The following INTS7 variants were observed in gnomAD, a reference collection of about 807,000 sequenced individuals.
INTS7 encodes the protein chromosome 1 open reading frame 73.
Under a neutral mutation model 109.2 loss-of-function variants are expected in INTS7, and 46 were observed. The ratio of observed to expected loss-of-function variants is 0.42; its 90% CI spans 0.33 to 0.54. The LOEUF (loss-of-function observed/expected upper bound fraction) is 0.54, where lower values mean the gene tolerates loss of function less well. Among genes scored for constraint, INTS7 ranks in the 20% least tolerant of loss-of-function variants. The pLI is 0.07. For synonymous variants in INTS7, 412 were observed against 402.9 expected (o/e 1.02, Z -0.27); for missense variants, 929 against 1,132.4 (o/e 0.82, Z 2.58).
intron 1 of INTS7, among the ~76,000 whole-genome samples, chr1:212,027,851 C>G (rs938355497): frequency 6.6e-6 from 1 of 151,142 alleles, no homozygotes; most frequent in Non-Finnish European, 1.5e-5. Context: ...TTTCTTGAGA[C>G]AGTCTCACTC....
chr1:211,946,726 A>T lies in INTS7; in HGVS notation c.2317-21T>A, dbSNP rs756217955. The stretch of plus-strand genomic sequence containing the variant: ...GTGTGCTGGGGGAAAAAAGAAACTA[A>T]ATCAAATAAAAATAAATTTTCAAAT... On this transcript the variant is annotated intron_variant, in intron 17 of 19. Transcript: ENST00000366994. This position sits in a 1 kb window ranked among gnomAD's most constrained non-coding sequence, Gnocchi z 4.3. 1 of 1,541,556 alleles carries T rather than the reference A, an allele frequency of 6.5e-7. No homozygotes were observed. The highest frequency in any genetic ancestry group is 1.2e-5 in the South Asian group (1 of 86,722).
At chr1:211,991,689 A>G (rs979484485) in intron 7 of INTS7, among the ~76,000 whole-genome samples, 16 of 152,270 alleles carry the variant, frequency 1.1e-4, no homozygotes, top group African/African-American at 3.6e-4. Context: ...TATGTTAGAG[A>G]GCAATGTAGA....
chr1:211,972,878 G>A (rs1453057691), intron 13 of INTS7, among the ~76,000 whole-genome samples: 8 of 152,204 alleles, frequency 5.3e-5, no homozygotes, highest in Non-Finnish European at 1.2e-4. Context: ...TCAGATATCT[G>A]AGACTGGCCC....
intron 16 of INTS7, among the ~76,000 whole-genome samples, chr1:211,963,215 A>G (rs570681306): frequency 1.8e-4 from 27 of 152,294 alleles, no homozygotes; most frequent in Middle Eastern, 3.4e-3. Flanking sequence ...GAACACCTCT[A>G]TGGACACAAA....
At chr1:211,944,736 G>A (rs1354890982) in intron 19 of INTS7, 48 bp downstream of exon 19, 2 of 1,452,354 alleles carry the variant, frequency 1.4e-6, no homozygotes, top group South Asian at 1.2e-5. Context: ...TTCCATCAAT[G>A]AGCTCATATA....
At chr1:212,012,711 T>A (rs1314495935) in intron 4 of INTS7, among the ~76,000 whole-genome samples, 1 of 152,230 alleles carries the variant, frequency 6.6e-6, no homozygotes, top group African/African-American at 2.4e-5. Flanking sequence ...TAATCATCAT[T>A]TCCACAAGTG....
At chr1:211,978,633 T>A in intron 10 of INTS7, 122 bp from the exon 11 acceptor site, 1 of 995,942 alleles carries the variant, frequency 1.0e-6, no homozygotes, top group Non-Finnish European at 1.5e-6. Context: ...AGGCATAACA[T>A]TTTACTTCAT....
At chr1:212,017,084 AAG>A in intron 3 of INTS7, 61 bp from the exon 4 acceptor site, 2 of 1,410,272 alleles carry the variant, frequency 1.4e-6, no homozygotes, top group Non-Finnish European at 1.9e-6. Context: ...TCAGAAAAGT[AAG>A]AGGCAAGGCA....
chr1:211,985,038 G>A (rs1406718322), intron 8 of INTS7, among the ~76,000 whole-genome samples: 1 of 152,128 alleles, frequency 6.6e-6, no homozygotes, highest in Non-Finnish European at 1.5e-5. Flanking sequence ...CTCAATGTGT[G>A]ACTATGTAAA....
intron 5 of INTS7, among the ~76,000 whole-genome samples, chr1:212,010,431 C>A (rs768478754): frequency 5.9e-5 from 9 of 152,140 alleles, no homozygotes; most frequent in Non-Finnish European, 2.9e-5. Context: ...GGTAAGGAAT[C>A]TGGATTTGAT....
At chr1:211,977,937 A>G (rs147277927) in intron 11 of INTS7, among the ~76,000 whole-genome samples, 112 of 152,338 alleles carry the variant, frequency 7.4e-4, no homozygotes, top group Non-Finnish European at 1.4e-3. Flanking sequence ...CTGTATAAGA[A>G]AGATAAAAAT....
chr1:212,014,716 G>C (rs1157777898), intron 4 of INTS7, among the ~76,000 whole-genome samples: 2 of 131,852 alleles, frequency 1.5e-5, no homozygotes, highest in East Asian at 4.2e-4. Flanking sequence ...ACTGGTTTTT[G>C]TATTTTTTGG....
At chr1:212,032,428 C>T (rs902498357) in intron 1 of INTS7, among the ~76,000 whole-genome samples, 20 of 152,224 alleles carry the variant, frequency 1.3e-4, no homozygotes, top group African/African-American at 4.8e-4. Context: ...AGAATGAAAG[C>T]CAGTCCTTTT....
intron 4 of INTS7, among the ~76,000 whole-genome samples, chr1:212,013,212 G>T (rs1277310784): frequency 6.6e-6 from 1 of 152,028 alleles, no homozygotes; most frequent in East Asian, 1.9e-4. Context: ...TTCTTTGAGG[G>T]GTCTCACTAT....
chr1:212,033,600 T>C (rs1216085475), intron 1 of INTS7, among the ~76,000 whole-genome samples: 1 of 152,236 alleles, frequency 6.6e-6, no homozygotes, highest in Non-Finnish European at 1.5e-5. Flanking sequence ...TAGACTCCTC[T>C]TCAGTGCCCC....
At chr1:211,979,134 C>G (rs144536428) in intron 10 of INTS7, among the ~76,000 whole-genome samples, 3 of 152,302 alleles carry the variant, frequency 2.0e-5, no homozygotes, top group Non-Finnish European at 2.9e-5. Context: ...AACTAGAAAC[C>G]TAGAAATATT....
At chr1:211,966,312 T>C in intron 16 of INTS7, 118 bp downstream of exon 16, 1 of 538,880 alleles carries the variant, frequency 1.9e-6, no homozygotes. Flanking sequence ...TGCTGAAGAA[T>C]TCTTCCACTT....
chr1:212,021,811 G>A (rs922886207), intron 1 of INTS7, among the ~76,000 whole-genome samples: 1 of 152,016 alleles, frequency 6.6e-6, no homozygotes, highest in African/African-American at 2.4e-5. Flanking sequence ...TTGTGTCACG[G>A]TGCTCCAGCC....
At chr1:212,019,727 T>C (rs2102489243) in intron 3 of INTS7, among the ~76,000 whole-genome samples, 1 of 152,338 alleles carries the variant, frequency 6.6e-6, no homozygotes, top group East Asian at 1.9e-4. Flanking sequence ...AAATCAAATA[T>C]GATTTATCAC....
Sources: allele counts gnomAD v4.1 joint callset (sites outside exome capture counted in the v4.1 genomes callset), GRCh38; gene constraint gnomAD v4.1.1; non-coding constraint Gnocchi (gnomAD v3.1); transcripts MANE v1.5; gene names NCBI Gene and HGNC (gene_info 2026-07-23, HGNC 2026-07-21).